SP100: variants seen among roughly 807,000 people sequenced by gnomAD.
The protein encoded by SP100 is SP100 nuclear body protein.
SP100 carries 84 observed loss-of-function variants against 130.0 expected under a neutral mutation model. That is an observed-to-expected ratio of 0.65 (90% CI 0.54 to 0.77). The LOEUF (loss-of-function observed/expected upper bound fraction) is 0.77, where lower values mean the gene tolerates loss of function less well. Ranked by LOEUF, SP100 falls within the 30% of genes least tolerant of loss-of-function variation. SP100 has a pLI of 0.00. For synonymous variants in SP100, 331 were observed against 351.7 expected (o/e 0.94, Z 0.66); for missense variants, 978 against 1,052.2 (o/e 0.93, Z 0.97).
At chr2:230,519,791 C>T (rs1031004640) in intron 24 of SP100, among the ~76,000 whole-genome samples, 5 of 152,092 alleles carry the variant, frequency 3.3e-5, no homozygotes. Context: ...CAGCTTTTTC[C>T]AATTGTGTAT....
intron 8 of SP100, among the ~76,000 whole-genome samples, chr2:230,458,277 C>T (rs1385168745): frequency 6.6e-6 from 1 of 152,042 alleles, no homozygotes; most frequent in Non-Finnish European, 1.5e-5. Flanking sequence ...AGTAAGATCT[C>T]CAAAGGAAAA....
Position 230,449,599 on chromosome 2 carries a change from T to C in SP100, c.625T>C (p.Cys209Arg). The C allele has an allele frequency of 1.2e-6, 2 of 1,614,082 alleles. No homozygotes were observed. The highest frequency in any genetic ancestry group is 1.6e-4 in the Middle Eastern group (1 of 6,062). The change falls in exon 7 of 29, where the codon TGT becomes CGT. Residue 209 changes from cysteine (C) to arginine (R), a missense_variant. Cys to Arg is a radical substitution (Grantham distance 180). Transcript: ENST00000340126. ...TGAAAATGGACTCTCAGAGCACCCC[T>C]GTGAAACAGAACAGATAAATGCAAA... ...PPENGLSEHPCETEQINAKRK... is the reference protein window; with the variant it reads ...PPENGLSEHPRETEQINAKRK...
At position 230,540,756 on chromosome 2, in the gene SP100, G is replaced by C. The variant is rs146647729; in HGVS notation, c.2211-120G>C. The C allele has an allele frequency of 1.9e-4, 253 of 1,316,980 alleles. 4 individuals are homozygous for C. The African/African-American group carries it at 3.2e-3, about 17-fold the overall frequency. 81.6% of individuals were successfully genotyped at this position (1,316,980 alleles called of 1,614,324 possible). ...GGCTCTAGTGCAGAGGCCTCCAAGAGAGAAGTTGGATACAAGGTGGAAACC... is the reference window on the plus strand; with the variant it reads ...GGCTCTAGTGCAGAGGCCTCCAAGACAGAAGTTGGATACAAGGTGGAAACC... On this transcript the variant is annotated intron_variant, in intron 25 of 28. Coordinates refer to ENST00000340126, the MANE Select transcript of SP100 (RefSeq NM_001080391.2).
intron 17 of SP100, among the ~76,000 whole-genome samples, chr2:230,482,869 T>TA (rs1389426772): frequency 6.6e-6 from 1 of 152,202 alleles, no homozygotes; most frequent in African/African-American, 2.4e-5. Context: ...TCTTGGCTAT[T>TA]ACAGCCATTT....
At chr2:230,451,896 GA>G (rs1157710817) in intron 8 of SP100, among the ~76,000 whole-genome samples, 1 of 152,144 alleles carries the variant, frequency 6.6e-6, no homozygotes, top group Non-Finnish European at 1.5e-5. Context: ...TAAAGAGATA[GA>G]TATCCTTTAC....
At chr2:230,541,420 T>C (rs1692171027) in intron 27 of SP100, 48 bp downstream of exon 27, 25 of 1,479,956 alleles carry the variant, frequency 1.7e-5, no homozygotes, top group Non-Finnish European at 2.4e-5. Flanking sequence ...TTGTCAAATC[T>C]GTGATCTGAA....
chr2:230,445,028 T>G (rs1273686321), intron 4 of SP100, among the ~76,000 whole-genome samples: 1 of 152,174 alleles, frequency 6.6e-6, no homozygotes, highest in Non-Finnish European at 1.5e-5. Flanking sequence ...AAGTTTGCCT[T>G]CAGTGAAGCA....
chr2:230,520,604 C>T (rs1016824958), intron 24 of SP100: 3 of 152,290 alleles, frequency 2.0e-5, no homozygotes, highest in African/African-American at 2.4e-5. Context: ...GGTCGGAGGC[C>T]GCATATGTCG....
rs939724025 is a variant in SP100, at chr2:230,442,268, G to A, written c.108-669G>A. On this transcript the variant is annotated intron_variant, in intron 2 of 28. Coordinates refer to ENST00000340126, the MANE Select transcript of SP100 (RefSeq NM_001080391.2). The stretch of plus-strand genomic sequence containing the variant: ...CTTTAAAATTACTTTCATAGGAAAC[G>A]GCAACAATTTCTGAAATTCAGATGC... Among the ~76,000 whole-genome samples, 6 of 152,054 alleles carry A rather than the reference G, an allele frequency of 3.9e-5. No individual in the cohort carries two copies. The South Asian group carries it at 8.3e-4, about 21-fold the overall frequency.
chr2:230,474,693 C>T (rs2065451747), intron 17 of SP100, among the ~76,000 whole-genome samples: 1 of 152,074 alleles, frequency 6.6e-6, no homozygotes, highest in South Asian at 2.1e-4. Context: ...TCCCCCTGCC[C>T]CATCTAGTGG....
chr2:230,515,609 A>G, intron 24 of SP100: 2 of 1,603,288 alleles, frequency 1.2e-6, no homozygotes, highest in Non-Finnish European at 8.5e-7. Flanking sequence ...GATGAACAAG[A>G]GGAGGAAAAT....
chr2:230,497,524 GAGGAGAGGAGAGGAGAGGAGAGGAA>G (rs2066746466), intron 18 of SP100, among the ~76,000 whole-genome samples: 7 of 38,656 alleles, frequency 1.8e-4, no homozygotes, highest in South Asian at 1.1e-3. Context: ...GAGGAGAGGA[GAGGAGAGGAGAGGAGAGGAGAGGAA>G]AGGAAAGGAA....
In SP100 at chr2:230,544,288, T is replaced by C. The variant is rs538188617; in HGVS notation, c.*1342T>C. On this transcript the variant is annotated 3_prime_UTR_variant, in exon 29 of 29. Coordinates refer to ENST00000340126, the MANE Select transcript of SP100 (RefSeq NM_001080391.2). Reference sequence around the variant, plus strand: ...AGCAACAAAAGCAAAATTTGACAAATGGGATCTAATTAAACTTAAGAGATT... The same window carrying C: ...AGCAACAAAAGCAAAATTTGACAAACGGGATCTAATTAAACTTAAGAGATT... Among the ~76,000 whole-genome samples the C allele has an allele frequency of 2.0e-5, 3 of 152,182 alleles. No individual in the cohort carries two copies. The South Asian group carries it at 6.2e-4, about 32-fold the overall frequency.
chr2:230,484,962 G>C (rs2065997960), intron 17 of SP100, among the ~76,000 whole-genome samples: 1 of 151,862 alleles, frequency 6.6e-6, no homozygotes, highest in Non-Finnish European at 1.5e-5. Flanking sequence ...AGGGATCCTG[G>C]TATGTCACTC....
chr2:230,458,945 G>A (rs947601859), intron 8 of SP100, among the ~76,000 whole-genome samples: 2 of 152,134 alleles, frequency 1.3e-5, no homozygotes, highest in African/African-American at 4.8e-5. Context: ...ATTACATATG[G>A]GACAACAGGC....
chr2:230,469,070 C>T lies in SP100; in HGVS notation c.1319C>T (p.Thr440Ile), dbSNP rs749074736. The T allele has an allele frequency of 6.9e-6, 11 of 1,598,678 alleles. No homozygotes were observed. The highest frequency in any genetic ancestry group is 2.2e-5 in the South Asian group (2 of 89,648). ...CCTATGACTTCTAGAAGTACATCTA[C>T]TTGGAGAATACCCAGCAGGAAGAGA... Reference protein sequence around the residue: ...KAPMTSRSTSTWRIPSRKRRF... With the variant: ...KAPMTSRSTSIWRIPSRKRRF... The change falls in exon 14 of 29, where the codon ACT becomes ATT. Residue 440 changes from threonine (T) to isoleucine (I), a missense_variant. Coordinates refer to ENST00000340126, the MANE Select transcript of SP100 (RefSeq NM_001080391.2).
intron 13 of SP100, 86 bp from the exon 14 acceptor site, chr2:230,468,957 C>A: frequency 2.5e-6 from 2 of 785,124 alleles, no homozygotes; most frequent in South Asian, 1.8e-5. Context: ...ATTTATAGTC[C>A]AAATTCTGTC....
At chr2:230,484,258 T>C (rs1476909384) in intron 17 of SP100, among the ~76,000 whole-genome samples, 1 of 152,214 alleles carries the variant, frequency 6.6e-6, no homozygotes, top group African/African-American at 2.4e-5. Flanking sequence ...CATGCATAGG[T>C]GACTCAAATA....
chr2:230,488,068 A>G (rs1287006282), intron 17 of SP100, among the ~76,000 whole-genome samples: 2 of 152,126 alleles, frequency 1.3e-5, no homozygotes, highest in Non-Finnish European at 2.9e-5. Context: ...TTCCTTATCA[A>G]TTTAAGGAGT....
Sources: allele counts gnomAD v4.1 joint callset (sites outside exome capture counted in the v4.1 genomes callset), GRCh38; gene constraint gnomAD v4.1.1; transcripts MANE v1.5; gene names NCBI Gene and HGNC (gene_info 2026-07-23, HGNC 2026-07-21).